Variants in KCTD8 observed in about 807,000 individuals in gnomAD.
KCTD8 encodes potassium channel tetramerization domain containing 8.
Under a neutral mutation model 31.5 loss-of-function variants are expected in KCTD8, and 27 were observed. That is an observed-to-expected ratio of 0.86 (90% CI 0.63 to 1.18). The LOEUF (loss-of-function observed/expected upper bound fraction) is 1.18, where lower values mean the gene tolerates loss of function less well. Ranked by LOEUF, KCTD8 falls within the 50% of genes most tolerant of loss-of-function variation. KCTD8 has a pLI of 0.00. For missense variants in KCTD8, 658 were observed against 647.7 expected, an observed-to-expected ratio of 1.02 and a Z score of -0.17; for synonymous variants, 290 against 280.0, an observed-to-expected ratio of 1.04 and a Z score of -0.36.
intron 1 of KCTD8, among the ~76,000 whole-genome samples, chr4:44,187,142 T>C (rs1302663615): frequency 6.6e-6 from 1 of 152,210 alleles, no homozygotes; most frequent in Non-Finnish European, 1.5e-5. Flanking sequence ...TCCCTTTTAG[T>C]TTATTAAAGA....
intron 1 of KCTD8, among the ~76,000 whole-genome samples, chr4:44,397,127 T>G (rs1019703647): frequency 2.0e-5 from 3 of 152,162 alleles, no homozygotes; most frequent in African/African-American, 7.2e-5. Flanking sequence ...GTTAACTAGA[T>G]TGCTAGATTA....
intron 1 of KCTD8, among the ~76,000 whole-genome samples, chr4:44,292,418 A>G (rs1717307827): frequency 6.6e-6 from 1 of 152,214 alleles, no homozygotes; most frequent in South Asian, 2.1e-4. Context: ...TGGGAGTGAA[A>G]CCCTGACTAC....
At chr4:44,327,387 G>C (rs1352279952) in intron 1 of KCTD8, among the ~76,000 whole-genome samples, 1 of 151,684 alleles carries the variant, frequency 6.6e-6, no homozygotes, top group Admixed American at 6.6e-5. Context: ...CTATTTCCTT[G>C]TAATTATAGT....
chr4:44,204,062 T>C (rs1714230932), intron 1 of KCTD8, among the ~76,000 whole-genome samples: 1 of 152,028 alleles, frequency 6.6e-6, no homozygotes, highest in Non-Finnish European at 1.5e-5. Context: ...CATTCTGAAA[T>C]ATACATTACA....
chr4:44,445,055 A>T (rs1220177085), intron 1 of KCTD8, among the ~76,000 whole-genome samples: 2 of 152,212 alleles, frequency 1.3e-5, no homozygotes, highest in Non-Finnish European at 2.9e-5. Context: ...CTTATGAGTA[A>T]CACCGATAAT....
At chr4:44,209,688 T>C (rs1264604475) in intron 1 of KCTD8, among the ~76,000 whole-genome samples, 1 of 152,192 alleles carries the variant, frequency 6.6e-6, no homozygotes, top group Non-Finnish European at 1.5e-5. Flanking sequence ...TATATACATT[T>C]CTATTTTGTC....
chr4:44,181,391 G>A (rs1033892485), intron 1 of KCTD8, among the ~76,000 whole-genome samples: 26 of 152,260 alleles, frequency 1.7e-4, no homozygotes, highest in South Asian at 4.2e-4. Context: ...GATTGCAGGC[G>A]CGCACCACCA....
chr4:44,411,402 A>AGGAG (rs1720952938), intron 1 of KCTD8, among the ~76,000 whole-genome samples: 2 of 149,402 alleles, frequency 1.3e-5, no homozygotes, highest in Admixed American at 6.7e-5. Flanking sequence ...AAAAAAAAAA[A>AGGAG]GGAGGGAGGG....
Position 44,448,449 on chromosome 4 carries a change from C to CCCCGGG in KCTD8, c.74_75insCCCGGG (p.Pro26_Gly27dup). 6.5e-7 allele frequency: 1 copy of CCCCGGG among 1,542,858 alleles called. No individual in the cohort carries two copies. The highest frequency in any genetic ancestry group is 1.3e-5 in the South Asian group (1 of 79,070). On this transcript the variant is annotated inframe_insertion, in exon 1 of 2. Transcript: ENST00000360029. The surrounding 1 kb of genome is among the most constrained non-coding windows in gnomAD (Gnocchi z 4.1). Reference sequence around the variant, plus strand: ...GGGCGGCGGCGGCCGACGCGCCGGGCGAGCTGGACGAGGAAACCATCTCGC... The same window carrying CCCCGGG: ...GGGCGGCGGCGGCCGACGCGCCGGGCCCCGGGGAGCTGGACGAGGAAACCATCTCGC...
intron 1 of KCTD8, among the ~76,000 whole-genome samples, chr4:44,219,762 T>C (rs1248408961): frequency 6.6e-6 from 1 of 152,210 alleles, no homozygotes; most frequent in Non-Finnish European, 1.5e-5. Flanking sequence ...TATAATTAAA[T>C]ATTTGTAATG....
At chr4:44,268,382 T>G (rs201749504) in intron 1 of KCTD8, among the ~76,000 whole-genome samples, 18,100 of 152,046 alleles carry the variant, frequency 0.12, 1,305 homozygotes, top group East Asian at 0.24. Flanking sequence ...TAGGTATTGA[T>G]GGGATGTATC....
At chr4:44,267,881 T>C (rs1371345520) in intron 1 of KCTD8, among the ~76,000 whole-genome samples, 2 of 152,188 alleles carry the variant, frequency 1.3e-5, no homozygotes, top group Non-Finnish European at 2.9e-5. Flanking sequence ...TAACAGGCTC[T>C]TAAATTGTGG....
intron 1 of KCTD8, among the ~76,000 whole-genome samples, chr4:44,233,071 T>C (rs1057238650): frequency 2.0e-5 from 3 of 152,034 alleles, no homozygotes; most frequent in African/African-American, 7.2e-5. Flanking sequence ...TGCTAATATT[T>C]TTAATTTTTT....
chr4:44,182,984 C>T (rs932570087), intron 1 of KCTD8, among the ~76,000 whole-genome samples: 39 of 152,154 alleles, frequency 2.6e-4, no homozygotes, highest in African/African-American at 8.0e-4. Flanking sequence ...TACTATTATT[C>T]AATGTAAATA....
intron 1 of KCTD8, among the ~76,000 whole-genome samples, chr4:44,218,416 GAGCCACTGTGC>G (rs1162939867): frequency 6.6e-6 from 1 of 151,606 alleles, no homozygotes; most frequent in African/African-American, 2.4e-5. Flanking sequence ...GTACAGGCAT[GAGCCACTGTGC>G]CCAGTCTAAA....
intron 1 of KCTD8, among the ~76,000 whole-genome samples, chr4:44,178,161 T>C (rs1233141978): frequency 1.3e-5 from 2 of 152,188 alleles, no homozygotes; most frequent in Admixed American, 6.5e-5. Context: ...TCATCTATAA[T>C]ATGAGTAAAA....
chr4:44,221,872 C>T (rs1714818734), intron 1 of KCTD8, among the ~76,000 whole-genome samples: 1 of 152,094 alleles, frequency 6.6e-6, no homozygotes, highest in African/African-American at 2.4e-5. Context: ...CGGCGACACC[C>T]TCACAGACAC....
Position 44,408,285 on chromosome 4 carries a change from CT to C in KCTD8, c.961+39277del, listed in dbSNP as rs578003137. Among the ~76,000 whole-genome samples the C allele has an allele frequency of 8.5e-5, 13 of 152,254 alleles. No homozygotes were observed. The East Asian group carries it at 2.5e-3, about 29-fold the overall frequency. The stretch of plus-strand genomic sequence containing the variant: ...CCATCTATTAAATATTAAATCCATA[CT>C]TCTAAATATAATCATGAAATAGTTG... On this transcript the variant is annotated intron_variant, in intron 1 of 1. Transcript: ENST00000360029.
At chr4:44,294,178 T>C (rs1326613889) in intron 1 of KCTD8, among the ~76,000 whole-genome samples, 4 of 152,154 alleles carry the variant, frequency 2.6e-5, no homozygotes, top group Non-Finnish European at 4.4e-5. Flanking sequence ...AAGGGGAAGA[T>C]AAACAATCAC....
Sources: allele counts gnomAD v4.1 joint callset (sites outside exome capture counted in the v4.1 genomes callset), GRCh38; gene constraint gnomAD v4.1.1; non-coding constraint Gnocchi (gnomAD v3.1); transcripts MANE v1.5; gene names NCBI Gene and HGNC (gene_info 2026-07-23, HGNC 2026-07-21).